The following RGS8 variants were observed in gnomAD, a reference collection of about 807,000 sequenced individuals.
The protein encoded by RGS8 is regulator of G protein signaling 8.
A neutral mutation model predicts 21.7 loss-of-function variants in RGS8; 8 were observed. That is an observed-to-expected ratio of 0.37 (90% CI 0.22 to 0.66). The LOEUF is 0.66. Among genes scored for constraint, RGS8 ranks in the 30% least tolerant of loss-of-function variants. The pLI is 0.59. For missense variants in RGS8, 157 were observed against 217.9 expected (o/e 0.72, Z 1.76); for synonymous variants, 80 against 83.6 (o/e 0.96, Z 0.24).
At chr1:182,660,657 C>T (rs892848688) in intron 5 of RGS8, among the ~76,000 whole-genome samples, 7 of 149,532 alleles carry the variant, frequency 4.7e-5, no homozygotes, top group Admixed American at 6.7e-5. Flanking sequence ...AGCTTCCATA[C>T]GAGATACAGT....
At chr1:182,747,043 C>CCTTTTTTTTTT in the RGS8 span, among the ~76,000 whole-genome samples, 2 of 21,028 alleles carry the variant, frequency 9.5e-5, no homozygotes, top group Non-Finnish European at 1.9e-4. Context: ...CACTGCTGGT[C>CCTTTTTTTTTT]TTTTTTTTTT....
At chr1:182,674,486 C>G (rs568415397), upstream of RGS8, among the ~76,000 whole-genome samples, 1 of 151,846 alleles carries the variant, frequency 6.6e-6, no homozygotes, top group African/African-American at 2.4e-5. Context: ...CTAATCAAAA[C>G]ACTCCTAAAT....
At chr1:182,702,711 C>G in the RGS8 span, among the ~76,000 whole-genome samples, 1 of 152,062 alleles carries the variant, frequency 6.6e-6, no homozygotes, top group South Asian at 2.1e-4. Flanking sequence ...TAAAGAAATT[C>G]AATTATTCAA....
intron 1 of RGS8, among the ~76,000 whole-genome samples, chr1:182,679,784 C>T (rs1664482291): frequency 6.6e-6 from 1 of 151,874 alleles, no homozygotes; most frequent in African/African-American, 2.4e-5. Context: ...TTTTCTTGGC[C>T]CATTTTATCC....
chr1:182,740,040 G>A, the RGS8 span, among the ~76,000 whole-genome samples: 8 of 152,120 alleles, frequency 5.3e-5, no homozygotes, highest in African/African-American at 1.9e-4. Flanking sequence ...TTTAATAACA[G>A]CCACAGAGAT....
intron 1 of RGS8, among the ~76,000 whole-genome samples, chr1:182,679,794 C>T (rs910859436): frequency 4.0e-5 from 6 of 151,814 alleles, no homozygotes; most frequent in African/African-American, 1.2e-4. Context: ...CCATTTTATC[C>T]GCCGCCCTCA....
At chr1:182,685,808 G>A (rs528224511), upstream of RGS8, among the ~76,000 whole-genome samples, 13 of 152,248 alleles carry the variant, frequency 8.5e-5, no homozygotes, top group Non-Finnish European at 1.5e-4. Flanking sequence ...AAATCAGGCC[G>A]ATTCAGCAGA....
chr1:182,718,402 C>T, the RGS8 span, among the ~76,000 whole-genome samples: 24 of 152,212 alleles, frequency 1.6e-4, no homozygotes, highest in African/African-American at 2.7e-4. Context: ...CAAATTTGGA[C>T]GGCACCATGG....
chr1:182,690,404 C>G, the RGS8 span, among the ~76,000 whole-genome samples: 8 of 152,216 alleles, frequency 5.3e-5, no homozygotes, highest in Admixed American at 4.6e-4. Context: ...TCACCTTATC[C>G]CAGGTATTCA....
At chr1:182,682,452 G>GT (rs1000928182) in intron 1 of RGS8, among the ~76,000 whole-genome samples, 1 of 151,950 alleles carries the variant, frequency 6.6e-6, no homozygotes, top group African/African-American at 2.4e-5. Flanking sequence ...ACTTCCTCGA[G>GT]TTTTTTTTAC....
At chr1:182,738,558 G>A in the RGS8 span, among the ~76,000 whole-genome samples, 5 of 152,294 alleles carry the variant, frequency 3.3e-5, no homozygotes, top group African/African-American at 1.2e-4. Flanking sequence ...AAATGAAAAT[G>A]ATCTAACAAT....
Position 182,648,125 on chromosome 1 carries a change from C to A in RGS8, c.360+12G>T. 2 of 1,590,064 alleles carry A rather than the reference C, an allele frequency of 1.3e-6. No individual in the cohort carries two copies. The highest frequency in any genetic ancestry group is 1.7e-6 in the Non-Finnish European group (2 of 1,164,622). On this transcript the variant is annotated intron_variant, in intron 6 of 6. Transcript: ENST00000483095. ...CCATGGATAGACAGGATGGTCGCCG[C>A]TGCCAACACACCTCCCGTGGAGCCT...
At chr1:182,711,085 G>T in the RGS8 span, among the ~76,000 whole-genome samples, 555 of 152,308 alleles carry the variant, frequency 3.6e-3, 4 homozygotes, top group African/African-American at 0.013. Flanking sequence ...GGCCCAAGAA[G>T]GAGATCACAC....
chr1:182,690,967 T>C, the RGS8 span, among the ~76,000 whole-genome samples: 2 of 152,220 alleles, frequency 1.3e-5, no homozygotes, highest in Non-Finnish European at 2.9e-5. Context: ...TGAGGAACCC[T>C]GCACTAACTT....
At chr1:182,731,907 C>A in the RGS8 span, among the ~76,000 whole-genome samples, 714 of 152,296 alleles carry the variant, frequency 4.7e-3, 11 homozygotes, top group African/African-American at 0.016. Context: ...GATTGCTGAA[C>A]AAAAGGCTGC....
At chr1:182,743,902 C>T in the RGS8 span, among the ~76,000 whole-genome samples, 4 of 152,298 alleles carry the variant, frequency 2.6e-5, no homozygotes, top group East Asian at 1.9e-4. Flanking sequence ...TATGTATGCA[C>T]ATACTCTCTA....
chr1:182,725,401 T>C, the RGS8 span, among the ~76,000 whole-genome samples: 1 of 152,220 alleles, frequency 6.6e-6, no homozygotes, highest in African/African-American at 2.4e-5. Context: ...AGACTGGATG[T>C]GTCTTAATGT....
At chr1:182,715,088 A>T in the RGS8 span, among the ~76,000 whole-genome samples, 1 of 152,252 alleles carries the variant, frequency 6.6e-6, no homozygotes, top group East Asian at 1.9e-4. Flanking sequence ...GTATGGGAAC[A>T]TCAGTGAGTT....
chr1:182,739,603 G>C, the RGS8 span, among the ~76,000 whole-genome samples: 1 of 152,166 alleles, frequency 6.6e-6, no homozygotes, highest in Non-Finnish European at 1.5e-5. Flanking sequence ...GGACTGCCTT[G>C]TTATCTTCAT....
Sources: allele counts gnomAD v4.1 joint callset (sites outside exome capture counted in the v4.1 genomes callset), GRCh38; gene constraint gnomAD v4.1.1; transcripts MANE v1.5; gene names NCBI Gene and HGNC (gene_info 2026-07-23, HGNC 2026-07-21).